The following IMMP2L variants were observed in gnomAD, a reference collection of about 807,000 sequenced individuals.
The protein encoded by IMMP2L is inner mitochondrial membrane peptidase subunit 2, also known as mitochondrial inner membrane protease subunit 2.
In IMMP2L, 18 loss-of-function variants were observed where a neutral mutation model predicts 19.3. The observed-to-expected ratio is 0.93, with a 90% CI of 0.64 to 1.38. The LOEUF (loss-of-function observed/expected upper bound fraction) is 1.38, where lower values mean the gene tolerates loss of function less well. IMMP2L is among the 40% of genes most tolerant of loss of function. The pLI is 0.00. For missense variants in IMMP2L, 233 were observed against 218.2 expected, an observed-to-expected ratio of 1.07 and a Z score of -0.43; for synonymous variants, 76 against 73.0, an observed-to-expected ratio of 1.04 and a Z score of -0.21.
rs564417040 is a variant in IMMP2L at position 111,285,882 on chromosome 7, C to T, written c.239+201356G>A. Reference sequence around the variant, plus strand: ...ATACAAAGTAATGTGCTTAATACTTCTGCATGATAAAGAATGAGAGACAAC... The same window carrying T: ...ATACAAAGTAATGTGCTTAATACTTTTGCATGATAAAGAATGAGAGACAAC... On this transcript the variant is annotated intron_variant, in intron 3 of 5. Transcript: ENST00000405709. 6.6e-5 allele frequency among the ~76,000 whole-genome samples: 10 copies of T among 152,272 alleles called. No homozygotes were observed. In the East Asian group the frequency reaches 1.7e-3, roughly 26 times the overall value.
chr7:111,239,903 T>C (rs1156610097), intron 3 of IMMP2L, among the ~76,000 whole-genome samples: 2 of 152,022 alleles, frequency 1.3e-5, no homozygotes, highest in African/African-American at 4.8e-5. Flanking sequence ...GGTCTTGTTT[T>C]AAAAGTGTTT....
chr7:110,687,335 C>G (rs537200339), intron 5 of IMMP2L, among the ~76,000 whole-genome samples: 1 of 152,010 alleles, frequency 6.6e-6, no homozygotes, highest in Non-Finnish European at 1.5e-5. Flanking sequence ...GCTTATTTAT[C>G]GTTATTTATA....
intron 4 of IMMP2L, among the ~76,000 whole-genome samples, chr7:110,931,091 G>A (rs1463651238): frequency 6.6e-6 from 1 of 152,154 alleles, no homozygotes; most frequent in African/African-American, 2.4e-5. Context: ...CTGAAGTGGG[G>A]GATGAGAGGT....
At chr7:111,400,190 T>C (rs1244340570) in intron 3 of IMMP2L, among the ~76,000 whole-genome samples, 1 of 152,126 alleles carries the variant, frequency 6.6e-6, no homozygotes, top group Non-Finnish European at 1.5e-5. Flanking sequence ...AGATATTTTA[T>C]CACTATCACC....
At chr7:111,210,467 T>C (rs1317699329) in intron 3 of IMMP2L, among the ~76,000 whole-genome samples, 1 of 152,192 alleles carries the variant, frequency 6.6e-6, no homozygotes, top group African/African-American at 2.4e-5. Flanking sequence ...AGGTGCCTCA[T>C]TATTCTTAGA....
rs777372217 is a variant in IMMP2L, at chr7:111,383,813, C to T, written c.239+103425G>A. 3.9e-5 allele frequency among the ~76,000 whole-genome samples: 6 copies of T among 151,936 alleles called. No individual in the cohort carries two copies. In the East Asian group the frequency reaches 5.8e-4, roughly 15 times the overall value. On this transcript the variant is annotated intron_variant, in intron 3 of 5. Coordinates refer to ENST00000405709, the MANE Select transcript of IMMP2L (RefSeq NM_032549.4). ...TTTCTCACTCTGCCCCTCCTGAAAT[C>T]CCCCTCCTTCCACTTTTATATGTTC...
chr7:111,122,699 G>A, intron 3 of IMMP2L: 1 of 1,123,018 alleles, frequency 8.9e-7, no homozygotes. Flanking sequence ...TTATCAATCA[G>A]CTCCTATTGA....
chr7:111,068,998 T>C (rs568403151), intron 3 of IMMP2L, among the ~76,000 whole-genome samples: 1 of 152,198 alleles, frequency 6.6e-6, no homozygotes, highest in African/African-American at 2.4e-5. Flanking sequence ...TCAGTCTCCT[T>C]AGCTATGCAC....
chr7:111,333,706 A>G (rs1017035812), intron 3 of IMMP2L, among the ~76,000 whole-genome samples: 8 of 152,106 alleles, frequency 5.3e-5, no homozygotes, highest in African/African-American at 1.9e-4. Context: ...GAATAAAAGC[A>G]GGCAGAACAT....
At chr7:110,853,755 T>C (rs1806474263) in intron 5 of IMMP2L, among the ~76,000 whole-genome samples, 1 of 152,022 alleles carries the variant, frequency 6.6e-6, no homozygotes. Flanking sequence ...ATTACAATTG[T>C]TAAAGATAAA....
chr7:110,922,702 C>G (rs1430862273), intron 4 of IMMP2L, among the ~76,000 whole-genome samples: 1 of 152,090 alleles, frequency 6.6e-6, no homozygotes, highest in Non-Finnish European at 1.5e-5. Context: ...TCACTGTCCT[C>G]TTTTATACAC....
intron 3 of IMMP2L, among the ~76,000 whole-genome samples, chr7:111,426,053 T>C (rs987821207): frequency 6.6e-6 from 1 of 150,992 alleles, no homozygotes; most frequent in Admixed American, 6.6e-5. Context: ...TTCGGGACCA[T>C]GAAGGGTGAG....
At chr7:111,463,547 G>T (rs978629320) in intron 3 of IMMP2L, among the ~76,000 whole-genome samples, 1 of 152,082 alleles carries the variant, frequency 6.6e-6, no homozygotes, top group African/African-American at 2.4e-5. Flanking sequence ...ACCCCCACCA[G>T]GCCACTTTTT....
intron 1 of IMMP2L, among the ~76,000 whole-genome samples, chr7:111,531,999 G>A (rs1847436435): frequency 6.6e-6 from 1 of 151,542 alleles, no homozygotes; most frequent in African/African-American, 2.4e-5. Context: ...AATGGAAAAA[G>A]CACTCTTTTT....
chr7:111,469,494 G>A (rs2132087101), intron 3 of IMMP2L, among the ~76,000 whole-genome samples: 1 of 152,084 alleles, frequency 6.6e-6, no homozygotes, highest in East Asian at 1.9e-4. Context: ...TGGATTCCTA[G>A]GTATTTTATT....
chr7:111,391,783 A>G (rs1387378027), intron 3 of IMMP2L: 1 of 658,740 alleles, frequency 1.5e-6, no homozygotes, highest in Non-Finnish European at 2.8e-6. Context: ...CGATAAGAGT[A>G]TGAGTTCAAG....
At chr7:111,173,840 T>C (rs1156652393) in intron 3 of IMMP2L, among the ~76,000 whole-genome samples, 2 of 151,708 alleles carry the variant, frequency 1.3e-5, no homozygotes, top group Non-Finnish European at 3.0e-5. Context: ...TTACCATCAT[T>C]GTAACATTTA....
chr7:110,852,235 T>TGGAC lies in IMMP2L; in HGVS notation c.408+34357_408+34358insGTCC, dbSNP rs1225820598. On this transcript the variant is annotated intron_variant, in intron 5 of 5. Coordinates refer to ENST00000405709, the MANE Select transcript of IMMP2L (RefSeq NM_032549.4). ...ATGGATGGATGGATGGATGGATGGA[T>TGGAC]GGATGGATGTATACACATATATAGC... Among the ~76,000 whole-genome samples the TGGAC allele has an allele frequency of 2.7e-4, 41 of 151,548 alleles. 2 individuals carry two copies. The highest frequency in any genetic ancestry group is 9.7e-4 in the African/African-American group (40 of 41,362).
chr7:111,238,683 CAT>C (rs1168555059), intron 3 of IMMP2L, among the ~76,000 whole-genome samples: 1 of 151,906 alleles, frequency 6.6e-6, no homozygotes, highest in African/African-American at 2.4e-5. Context: ...GCTGTTATGA[CAT>C]AAGCTGAAGT....
Sources: allele counts gnomAD v4.1 joint callset (sites outside exome capture counted in the v4.1 genomes callset), GRCh38; gene constraint gnomAD v4.1.1; transcripts MANE v1.5; gene names NCBI Gene and HGNC (gene_info 2026-07-23, HGNC 2026-07-21).